LCNL1: variants seen among roughly 807,000 people sequenced by gnomAD.
LCNL1 encodes the protein lipocalin-like 1 protein.
In LCNL1, 11 loss-of-function variants were observed where a neutral mutation model predicts 7.9. That is an observed-to-expected ratio of 1.40 (90% CI 0.88 to 2.32). The LOEUF (loss-of-function observed/expected upper bound fraction) is 2.32. Among genes scored for constraint, LCNL1 ranks in the 30% most tolerant of loss-of-function variants. The probability of loss-of-function intolerance (pLI) is 0.00; values close to 1 mark genes in which losing one functional copy is unlikely to be tolerated. For synonymous variants in LCNL1, 90 were observed against 92.5 expected (o/e 0.97, Z 0.15); for missense variants, 218 against 217.0 (o/e 1.00, Z -0.03).
chr9:136,984,674 G>T (rs370249882), intron 2 of LCNL1, 39 bp from the exon 3 acceptor site: 113 of 1,514,606 alleles, frequency 7.5e-5, no homozygotes, highest in Non-Finnish European at 9.2e-5. Flanking sequence ...CGGGGGGGAG[G>T]TGCCCTGGGC....
At chr9:136,984,224 T>A (rs1191105158) in intron 1 of LCNL1, 1 of 502,778 alleles carries the variant, frequency 2.0e-6, no homozygotes, top group Admixed American at 3.7e-5. Flanking sequence ...TGCATGTGTG[T>A]ATGTGTGTGT....
At chr9:136,984,165 A>G in intron 1 of LCNL1, 2 of 435,232 alleles carry the variant, frequency 4.6e-6, no homozygotes, top group South Asian at 4.3e-5. Context: ...GTGCGTGTCT[A>G]TGTGTGTGTC....
At position 136,983,352 on chromosome 9, in the gene LCNL1, A is replaced by G; in HGVS notation, c.-235A>G. Reference sequence around the variant, plus strand: ...GCCACAGCCCCACCCATCCAGCCGTACCCCCTGGGTGCCAGCTGCAGACAG... The same window carrying G: ...GCCACAGCCCCACCCATCCAGCCGTGCCCCCTGGGTGCCAGCTGCAGACAG... On this transcript the variant is annotated 5_prime_UTR_variant, in exon 1 of 3. Coordinates refer to ENST00000408973, the MANE Select transcript of LCNL1 (RefSeq NM_207510.4). 2 of 506,152 alleles carry G rather than the reference A, an allele frequency of 4.0e-6. No individual in the cohort carries two copies. The highest frequency in any genetic ancestry group is 7.3e-6 in the Non-Finnish European group (2 of 274,764). The allele number at this position is 506,152 out of a possible 1,614,324, so 31.4% of individuals were successfully genotyped here.
chr9:136,984,420 C>G lies in LCNL1; in HGVS notation c.123-70C>G, dbSNP rs1830475012. 9 of 1,382,884 alleles carry G rather than the reference C, an allele frequency of 6.5e-6. No individual in the cohort carries two copies. The Admixed American group carries it at 8.3e-5, about 13-fold the overall frequency. 85.7% of individuals were successfully genotyped at this position (1,382,884 alleles called of 1,614,324 possible). A position where few individuals can be genotyped will look rare whatever the true frequency, so the allele number is the denominator to read the frequency against. ...CAGGGGACCCTGGGCTCAGAGACAG[C>G]AAGGTAGGCTCTAGGCCTGGGCGCT... is the stretch of plus-strand genomic sequence containing the variant. On this transcript the variant is annotated intron_variant, in intron 1 of 2. Transcript: ENST00000408973.
rs1009750062 is a variant in LCNL1, at chr9:136,983,029, G to C, written c.-558G>C. ...CCCATCCAGGCCAACTTTGATGCCA[G>C]CCAGGTGTGCCCAGCCCTGTTTCCT... On this transcript the variant is annotated 5_prime_UTR_variant, in exon 1 of 3. Transcript: ENST00000408973. 6.3e-6 allele frequency: 1 copy of C among 157,762 alleles called. No homozygotes were observed. The highest frequency in any genetic ancestry group is 1.4e-5 in the Non-Finnish European group (1 of 70,880). The allele number at this position is 157,762 out of a possible 1,614,324, so 9.8% of individuals were successfully genotyped here. A position where few individuals can be genotyped will look rare whatever the true frequency, so the allele number is the denominator to read the frequency against.
chr9:136,983,455 G>A lies in LCNL1; in HGVS notation c.-132G>A, dbSNP rs1219935257. On this transcript the variant is annotated 5_prime_UTR_variant, in exon 1 of 3. In the 5' UTR this introduces an upstream ATG that the reference lacks. Coordinates refer to ENST00000408973, the MANE Select transcript of LCNL1 (RefSeq NM_207510.4). ...CTCAGTTCTGCATCGGGGTCGAGATGTGTACAGCAGCCCCTGCCGTGGCCA... is the reference window on the plus strand; with the variant it reads ...CTCAGTTCTGCATCGGGGTCGAGATATGTACAGCAGCCCCTGCCGTGGCCA... The A allele has an allele frequency of 1.8e-6, 2 of 1,108,142 alleles. No individual in the cohort carries two copies. Among genetic ancestry groups the A allele is most frequent in the Non-Finnish European group, 2.7e-6 (2 of 745,304 alleles). The allele number at this position is 1,108,142 out of a possible 1,614,324, so 68.6% of individuals were successfully genotyped here. A position where few individuals can be genotyped will look rare whatever the true frequency, so the allele number is the denominator to read the frequency against.
In LCNL1 at chr9:136,983,188, G is replaced by A. The variant is rs1830462100; in HGVS notation, c.-399G>A. On this transcript the variant is annotated 5_prime_UTR_variant, in exon 1 of 3. Transcript: ENST00000408973. ...CACCCGCTCCGTCTGACTGGAGTAGGGGTTGGCTGGGGAAGACTGCAGCCT... is the reference window on the plus strand; with the variant it reads ...CACCCGCTCCGTCTGACTGGAGTAGAGGTTGGCTGGGGAAGACTGCAGCCT... 4.7e-6 allele frequency: 1 copy of A among 213,226 alleles called. No individual in the cohort carries two copies. The highest frequency in any genetic ancestry group is 7.8e-5 in the South Asian group (1 of 12,800). 13.2% of individuals were successfully genotyped at this position (213,226 alleles called of 1,614,324 possible). A position where few individuals can be genotyped will look rare whatever the true frequency, so the allele number is the denominator to read the frequency against.
rs1394084333 is a variant in LCNL1, at chr9:136,983,415, C to T, written c.-172C>T. 5 of 746,310 alleles carry T rather than the reference C, an allele frequency of 6.7e-6. No individual in the cohort carries two copies. Among genetic ancestry groups the T allele is most frequent in the African/African-American group, 1.7e-5 (1 of 57,658 alleles). The allele number at this position is 746,310 out of a possible 1,614,324, so 46.2% of individuals were successfully genotyped here. ...CTGGTGGGGGCCAGTTGCTCATGTACTGAGGCCCCCCTCCCTCAGTTCTGC... is the reference window on the plus strand; with the variant it reads ...CTGGTGGGGGCCAGTTGCTCATGTATTGAGGCCCCCCTCCCTCAGTTCTGC... On this transcript the variant is annotated 5_prime_UTR_variant, in exon 1 of 3. Coordinates refer to ENST00000408973, the MANE Select transcript of LCNL1 (RefSeq NM_207510.4).
chr9:136,985,148 C>A lies in LCNL1; in HGVS notation c.*137C>A. The A allele has an allele frequency of 1.1e-6, 1 of 893,482 alleles. No individual in the cohort carries two copies. Among genetic ancestry groups the A allele is most frequent in the Non-Finnish European group, 1.7e-6 (1 of 600,736 alleles). 55.3% of individuals were successfully genotyped at this position (893,482 alleles called of 1,614,324 possible). A position where few individuals can be genotyped will look rare whatever the true frequency, so the allele number is the denominator to read the frequency against. Reference sequence around the variant, plus strand: ...TGCTGCCGAAGTCGGGTGAGCGGTGCCGGCAGCCCTGCTGGGAGGGCCAGG... The same window carrying A: ...TGCTGCCGAAGTCGGGTGAGCGGTGACGGCAGCCCTGCTGGGAGGGCCAGG... On this transcript the variant is annotated 3_prime_UTR_variant, in exon 3 of 3. Coordinates refer to ENST00000408973, the MANE Select transcript of LCNL1 (RefSeq NM_207510.4).
chr9:136,984,838 G>C lies in LCNL1; in HGVS notation c.322G>C (p.Gly108Arg). 1 of 1,569,064 alleles carries C rather than the reference G, an allele frequency of 6.4e-7. No individual in the cohort carries two copies. Among genetic ancestry groups the C allele is most frequent in the African/African-American group, 1.3e-5 (1 of 74,204 alleles). Residue 108 changes from glycine (G) to arginine (R), a missense_variant, in exon 3 of 3, where the codon GGG (glycine) becomes CGG (arginine). Transcript: ENST00000408973. ...WLQLYGGRAA[G>R]RRPRHPRFGS... The stretch of plus-strand genomic sequence containing the variant: ...GCAGCTCTACGGTGGGCGGGCTGCG[G>C]GGCGGAGACCCAGACACCCCCGCTT...
chr9:136,983,547 C>G lies in LCNL1; in HGVS notation c.-40C>G, dbSNP rs1439501609. 2 of 1,604,574 alleles carry G rather than the reference C, an allele frequency of 1.2e-6. No individual in the cohort carries two copies. The highest frequency in any genetic ancestry group is 1.3e-5 in the African/African-American group (1 of 74,930). On this transcript the variant is annotated 5_prime_UTR_variant, in exon 1 of 3. Transcript: ENST00000408973. ...CAGGGCACAGGGGCGGCCTCCCAGC[C>G]TTCCCTGCACTTGCCCTGCAGTTCC...
At chr9:136,983,916 G>A (rs1029746543) in intron 1 of LCNL1, 1 of 585,766 alleles carries the variant, frequency 1.7e-6, no homozygotes, top group Admixed American at 3.0e-5. Context: ...GAGGCCTGGT[G>A]TTGAGAAAAG....
chr9:136,984,139 T>A, intron 1 of LCNL1: 1 of 420,418 alleles, frequency 2.4e-6, no homozygotes, highest in South Asian at 4.4e-5. Flanking sequence ...TGTGTCTATC[T>A]CTGTGTGTGT....
rs201957397 is a variant in LCNL1 at position 136,983,709 on chromosome 9, G to C, written c.122+1G>C. On this transcript the variant is annotated splice_donor_variant, in intron 1 of 2. Transcript: ENST00000408973. LOFTEE classifies it high-confidence loss of function. ...TGGCCCTCAAGTTTGGATACCCCAC[G>C]TAAGTGACCACACGAGCCCATCAGA... 3.1e-6 allele frequency: 5 copies of C among 1,613,242 alleles called. No individual in the cohort carries two copies. Among genetic ancestry groups the C allele is most frequent in the Non-Finnish European group, 1.7e-6 (2 of 1,179,522 alleles).
At chr9:136,983,807 A>T (rs1331797857) in intron 1 of LCNL1, 99 bp downstream of exon 1, 64 of 1,538,950 alleles carry the variant, frequency 4.2e-5, no homozygotes, top group Non-Finnish European at 2.7e-6. Context: ...CAGCACATTG[A>T]GGTCAGACCA....
At chr9:136,984,360 A>G in intron 1 of LCNL1, 130 bp from the exon 2 acceptor site, 1 of 838,558 alleles carries the variant, frequency 1.2e-6, no homozygotes, top group Non-Finnish European at 1.8e-6. Context: ...AGGTCATCCT[A>G]AAGTCCCATG....
chr9:136,984,328 A>C, intron 1 of LCNL1, 162 bp from the exon 2 acceptor site: 1 of 617,196 alleles, frequency 1.6e-6, no homozygotes, highest in South Asian at 2.6e-5. Context: ...CCCCACCCCC[A>C]GCAGGAGTGT....
At chr9:136,984,135 T>C in intron 1 of LCNL1, 1 of 415,896 alleles carries the variant, frequency 2.4e-6, no homozygotes, top group South Asian at 4.4e-5. Flanking sequence ...TGTGTGTGTC[T>C]ATCTCTGTGT....
rs142707510 is a variant in LCNL1, at chr9:136,983,699, G to T, written c.113G>T (p.Gly38Val). ...AATGGTGACCTGGCCCTCAAGTTTG[G>T]ATACCCCACGTAAGTGACCACACGA... Reference protein sequence around the residue: ...LGNGDLALKFGYPTPHGGCQK... With the variant: ...LGNGDLALKFVYPTPHGGCQK... Residue 38 changes from glycine to valine, a missense_variant, in exon 1 of 3, where the codon GGA (glycine) becomes GTA (valine). By Grantham distance (109) the Gly-to-Val change is moderately radical. Transcript: ENST00000408973. 2.5e-5 allele frequency: 40 copies of T among 1,613,816 alleles called. No individual in the cohort carries two copies. The African/African-American group carries it at 3.5e-4, about 14-fold the overall frequency.
Sources: gnomAD v4.1 joint callset for allele counts on GRCh38, gnomAD v4.1.1 for gene constraint, MANE v1.5 for transcripts, NCBI Gene and HGNC (gene_info 2026-07-23, HGNC 2026-07-21) for gene names.